Variants in CAMTA1 observed in about 807,000 individuals in gnomAD.
The protein encoded by CAMTA1 is calmodulin binding transcription activator 1, also known as calmodulin-binding transcription activator 1.
A neutral mutation model predicts 170.9 loss-of-function variants in CAMTA1; 27 were observed. The ratio of observed to expected loss-of-function variants is 0.16; its 90% CI spans 0.12 to 0.22. The LOEUF is 0.22. Among genes scored for constraint, CAMTA1 ranks in the 10% least tolerant of loss-of-function variants. The pLI, the probability that CAMTA1 is intolerant of heterozygous loss-of-function variation, is 1.00. For missense variants in CAMTA1, 1,619 were observed against 2,217.2 expected (o/e 0.73, Z 5.42); for synonymous variants, 833 against 891.5 (o/e 0.93, Z 1.17).
intron 3 of CAMTA1, among the ~76,000 whole-genome samples, chr1:7,013,409 C>T (rs185479535): frequency 2.6e-5 from 4 of 152,060 alleles, no homozygotes; most frequent in East Asian, 3.9e-4. Flanking sequence ...GATGGGGTTT[C>T]GCCATGTTGA....
At chr1:7,704,486 C>T (rs2096483119) in intron 11 of CAMTA1, among the ~76,000 whole-genome samples, 1 of 146,150 alleles carries the variant, frequency 6.8e-6, no homozygotes, top group South Asian at 2.1e-4. Flanking sequence ...GCGGGGACGC[C>T]CGGGCCGCGC....
chr1:7,309,644 C>T (rs1002576429), intron 5 of CAMTA1, among the ~76,000 whole-genome samples: 4 of 152,094 alleles, frequency 2.6e-5, no homozygotes, highest in Non-Finnish European at 5.9e-5. Flanking sequence ...TTCCTCTTTC[C>T]TGCCGCCTTT....
rs149979151 is a variant in CAMTA1, at chr1:7,308,612, T to G, written c.438+58986T>G. ...TGACCTATGGGCTATTTAGAGAGTT[T>G]TCAATTTTCAAATATTTGGAGATTT... is the stretch of plus-strand genomic sequence containing the variant. On this transcript the variant is annotated intron_variant, in intron 5 of 22. Transcript: ENST00000303635. Among the ~76,000 whole-genome samples the G allele has an allele frequency of 7.5e-3, 1,136 of 152,328 alleles. 21 individuals carry two copies. Among genetic ancestry groups the G allele is most frequent in the Admixed American group, 0.039 (604 of 15,308 alleles).
intron 5 of CAMTA1, among the ~76,000 whole-genome samples, chr1:7,291,586 C>T (rs1673147738): frequency 6.6e-6 from 1 of 152,246 alleles, no homozygotes; most frequent in Non-Finnish European, 1.5e-5. Context: ...TGGGAGATCC[C>T]CTCTGGGTGT....
Position 7,249,365 on chromosome 1 carries a change from A to G in CAMTA1, c.303-126A>G, listed in dbSNP as rs1666295544. 1 of 1,013,790 alleles carries G rather than the reference A, an allele frequency of 9.9e-7. No individual in the cohort carries two copies. 62.8% of individuals were successfully genotyped at this position (1,013,790 alleles called of 1,614,324 possible). A position where few individuals can be genotyped will look rare whatever the true frequency, so the allele number is the denominator to read the frequency against. ...CAGGGAGATGCAATAAAAGGTGAAAAATTATGTTCCAGCAAATGTGGAATA... is the reference window on the plus strand; with the variant it reads ...CAGGGAGATGCAATAAAAGGTGAAAGATTATGTTCCAGCAAATGTGGAATA... On this transcript the variant is annotated intron_variant, in intron 4 of 22. Coordinates refer to ENST00000303635, the MANE Select transcript of CAMTA1 (RefSeq NM_015215.4). This position sits in a 1 kb window ranked among gnomAD's most constrained non-coding sequence, Gnocchi z 4.4.
chr1:7,494,089 T>C (rs1210719960), intron 6 of CAMTA1, among the ~76,000 whole-genome samples: 1 of 151,448 alleles, frequency 6.6e-6, no homozygotes, highest in Non-Finnish European at 1.5e-5. Context: ...GGTGGCCTTC[T>C]GGGTTTTTCT....
chr1:7,755,861 A>G (rs1167533591), intron 22 of CAMTA1, among the ~76,000 whole-genome samples, 193 bp downstream of exon 22: 5 of 152,230 alleles, frequency 3.3e-5, no homozygotes, highest in African/African-American at 1.2e-4. Flanking sequence ...ACAGTCACAT[A>G]CATTAGATGT....
At chr1:7,371,351 G>T (rs2086456176) in intron 5 of CAMTA1, among the ~76,000 whole-genome samples, 1 of 151,966 alleles carries the variant, frequency 6.6e-6, no homozygotes, top group Non-Finnish European at 1.5e-5. Context: ...CCACCTCCTG[G>T]GTTCAAGTGA....
intron 1 of CAMTA1, among the ~76,000 whole-genome samples, chr1:6,819,165 A>G (rs938027532): frequency 2.0e-5 from 3 of 152,242 alleles, no homozygotes; most frequent in South Asian, 2.1e-4. Context: ...CTTGTAAACT[A>G]TCTTTGGTTT....
At chr1:6,990,399 T>C (rs976968213) in intron 3 of CAMTA1, among the ~76,000 whole-genome samples, 4 of 152,344 alleles carry the variant, frequency 2.6e-5, no homozygotes, top group Admixed American at 2.6e-4. Context: ...CTTTATCCCA[T>C]ATTCATCCAT....
chr1:7,362,560 T>A (rs2085624928), intron 5 of CAMTA1, among the ~76,000 whole-genome samples: 1 of 151,844 alleles, frequency 6.6e-6, no homozygotes, highest in Admixed American at 6.6e-5. Context: ...ATAGAGTTGG[T>A]GGACTTGGGT....
intron 5 of CAMTA1, among the ~76,000 whole-genome samples, chr1:7,467,037 G>T (rs2093227524): frequency 6.6e-6 from 1 of 152,026 alleles, no homozygotes; most frequent in Admixed American, 6.6e-5. Context: ...ATCAGAGCAG[G>T]GCGGCCTTCC....
At chr1:7,722,812 G>T (rs1279068177) in intron 11 of CAMTA1, among the ~76,000 whole-genome samples, 3 of 152,050 alleles carry the variant, frequency 2.0e-5, no homozygotes, top group African/African-American at 7.2e-5. Context: ...GCTGGGCATG[G>T]TGGCTCATGC....
chr1:7,717,575 A>G (rs1209009911), intron 11 of CAMTA1, among the ~76,000 whole-genome samples: 6 of 151,938 alleles, frequency 3.9e-5, no homozygotes, highest in African/African-American at 9.7e-5. Flanking sequence ...GTGAAACCCT[A>G]CCTCTACCAA....
At chr1:7,448,804 C>A (rs565165894) in intron 5 of CAMTA1, among the ~76,000 whole-genome samples, 1 of 152,318 alleles carries the variant, frequency 6.6e-6, no homozygotes, top group African/African-American at 2.4e-5. Context: ...AAGGCCCCAC[C>A]TCCTAATCCC....
chr1:7,678,473 G>T (rs1237563802), intron 11 of CAMTA1, among the ~76,000 whole-genome samples: 1 of 152,220 alleles, frequency 6.6e-6, no homozygotes, highest in Non-Finnish European at 1.5e-5. Context: ...CCTTGGCCAT[G>T]GGGGTCGGTG....
At chr1:7,467,595 G>A (rs1369282911) in intron 5 of CAMTA1, among the ~76,000 whole-genome samples, 1 of 152,100 alleles carries the variant, frequency 6.6e-6, no homozygotes, top group Non-Finnish European at 1.5e-5. Flanking sequence ...CTCCCGGAGG[G>A]TAAGGCCCCA....
chr1:6,884,291 GACACACACACACACACACACACAC>G (rs112571156), intron 3 of CAMTA1, among the ~76,000 whole-genome samples: 13 of 136,550 alleles, frequency 9.5e-5, no homozygotes, highest in African/African-American at 2.9e-4. Context: ...ATTCTCTAGA[GACACACACACACACACACACACAC>G]ACACACACAC....
intron 1 of CAMTA1, among the ~76,000 whole-genome samples, chr1:6,789,077 C>G (rs1640261996): frequency 6.6e-6 from 1 of 152,126 alleles, no homozygotes; most frequent in Non-Finnish European, 1.5e-5. Flanking sequence ...TCTTGGAAAC[C>G]TTACTTATCC....
Sources: gnomAD v4.1 joint callset for allele counts (sites outside exome capture counted in the v4.1 genomes callset) on GRCh38, gnomAD v4.1.1 for gene constraint, Gnocchi (gnomAD v3.1) non-coding constraint, MANE v1.5 for transcripts, NCBI Gene and HGNC (gene_info 2026-07-23, HGNC 2026-07-21) for gene names.